The following SETBP1 variants were observed in gnomAD, a reference collection of about 807,000 sequenced individuals.
The protein encoded by SETBP1 is SET binding protein 1, also known as SET-binding protein.
Under a neutral mutation model 101.0 loss-of-function variants are expected in SETBP1, and 9 were observed. The ratio of observed to expected loss-of-function variants is 0.09; its 90% CI spans 0.05 to 0.16. The LOEUF (loss-of-function observed/expected upper bound fraction) is 0.16. SETBP1 is among the 10% of genes least tolerant of loss of function. SETBP1 has a pLI of 1.00. For missense variants in SETBP1, 1,858 were observed against 2,033.8 expected, an observed-to-expected ratio of 0.91 and a Z score of 1.66; for synonymous variants, 818 against 788.5, an observed-to-expected ratio of 1.04 and a Z score of -0.63.
intron 2 of SETBP1, among the ~76,000 whole-genome samples, chr18:44,718,464 G>T (rs1406925616): frequency 6.7e-6 from 1 of 149,772 alleles, no homozygotes; most frequent in Non-Finnish European, 1.5e-5. Context: ...TGAGAAAGAT[G>T]TCCTAGTAGC....
intron 2 of SETBP1, among the ~76,000 whole-genome samples, chr18:44,798,259 A>G (rs2071525046): frequency 6.6e-6 from 1 of 152,070 alleles, no homozygotes; most frequent in Non-Finnish European, 1.5e-5. Context: ...AACCATAACA[A>G]AAAAAATGGT....
chr18:44,683,318 G>A (rs1568087952), intron 1 of SETBP1, among the ~76,000 whole-genome samples: 1 of 152,238 alleles, frequency 6.6e-6, no homozygotes, highest in Non-Finnish European at 1.5e-5. Context: ...CTTGCTCAGA[G>A]TGAGCTACTT....
chr18:45,062,818 C>G (rs1315132378), intron 5 of SETBP1, among the ~76,000 whole-genome samples: 1 of 152,086 alleles, frequency 6.6e-6, no homozygotes, highest in Non-Finnish European at 1.5e-5. Flanking sequence ...ACAACGGAAG[C>G]AACAATATTT....
intron 2 of SETBP1, among the ~76,000 whole-genome samples, chr18:44,744,737 G>A (rs1488849313): frequency 2.0e-5 from 3 of 151,382 alleles, no homozygotes; most frequent in African/African-American, 7.3e-5. Flanking sequence ...CGGAGCGCAG[G>A]GAGAGTCGCC....
chr18:44,991,209 C>G (rs1440118215), intron 4 of SETBP1, among the ~76,000 whole-genome samples: 2 of 137,336 alleles, frequency 1.5e-5, no homozygotes, highest in African/African-American at 5.5e-5. Flanking sequence ...CGCCACTGCA[C>G]TCCAGCCTGA....
intron 2 of SETBP1, among the ~76,000 whole-genome samples, chr18:44,720,399 G>A (rs142340591): frequency 1.6e-4 from 25 of 152,264 alleles, no homozygotes; most frequent in African/African-American, 1.2e-4. Flanking sequence ...CTCAATAGCC[G>A]CTGCTGTAGG....
intron 3 of SETBP1, among the ~76,000 whole-genome samples, chr18:44,891,772 C>A (rs1048593460): frequency 6.6e-6 from 1 of 152,178 alleles, no homozygotes; most frequent in Non-Finnish European, 1.5e-5. Context: ...TCCTGCTTCA[C>A]AAATGCCAAA....
intron 2 of SETBP1, among the ~76,000 whole-genome samples, chr18:44,720,944 G>A (rs903413515): frequency 1.5e-5 from 2 of 131,726 alleles, no homozygotes; most frequent in Non-Finnish European, 3.1e-5. Context: ...AGAGAATGAA[G>A]GAATGTGCAG....
intron 4 of SETBP1, among the ~76,000 whole-genome samples, chr18:45,001,873 A>G (rs1345261901): frequency 6.6e-6 from 1 of 152,142 alleles, no homozygotes; most frequent in Non-Finnish European, 1.5e-5. Context: ...TCCTCAGGAA[A>G]CTTACTTAAG....
chr18:44,685,509 A>G (rs1292826318), intron 1 of SETBP1, among the ~76,000 whole-genome samples: 1 of 152,180 alleles, frequency 6.6e-6, no homozygotes, highest in Non-Finnish European at 1.5e-5. Flanking sequence ...AGAGCCTCAC[A>G]TCTGAAGTGA....
At chr18:44,710,119 C>CT (rs1203067691) in intron 2 of SETBP1, among the ~76,000 whole-genome samples, 1 of 152,046 alleles carries the variant, frequency 6.6e-6, no homozygotes, top group Non-Finnish European at 1.5e-5. Flanking sequence ...GTTATATTTC[C>CT]TTTTTTTCTT....
chr18:44,719,117 G>A (rs924270621), intron 2 of SETBP1, among the ~76,000 whole-genome samples: 2 of 152,148 alleles, frequency 1.3e-5, no homozygotes, highest in Admixed American at 1.3e-4. Context: ...AGGTAGAATA[G>A]TAAGCTTGAC....
chr18:44,892,349 G>A (rs921479408), intron 3 of SETBP1, among the ~76,000 whole-genome samples: 2 of 152,268 alleles, frequency 1.3e-5, no homozygotes, highest in African/African-American at 2.4e-5. Flanking sequence ...ATTAAGGATG[G>A]GAAGCAAAAT....
rs2073990325 is a variant in SETBP1, at chr18:45,067,944, T to G, written c.*4246T>G. The G allele has an allele frequency of 6.6e-6, 1 of 152,218 alleles. No individual in the cohort carries two copies. Among genetic ancestry groups the G allele is most frequent in the African/African-American group, 2.4e-5 (1 of 41,460 alleles). The allele number at this position is 152,218 out of a possible 1,614,324, so 9.4% of individuals were successfully genotyped here. ...CACCCTAGATTGGTGTCTTTCTTTT[T>G]CTTCCTTTTTTTAAAAAAAATCTAT... On this transcript the variant is annotated 3_prime_UTR_variant, in exon 6 of 6. Coordinates refer to ENST00000649279, the MANE Select transcript of SETBP1 (RefSeq NM_015559.3).
At chr18:44,943,595 C>A (rs2071133628) in intron 3 of SETBP1, among the ~76,000 whole-genome samples, 1 of 152,192 alleles carries the variant, frequency 6.6e-6, no homozygotes, top group Non-Finnish European at 1.5e-5. Context: ...GGTCAGATCT[C>A]AGGTATGTTG....
intron 2 of SETBP1, among the ~76,000 whole-genome samples, chr18:44,831,730 G>A (rs2072374948): frequency 6.6e-6 from 1 of 152,158 alleles, no homozygotes; most frequent in Admixed American, 6.5e-5. Flanking sequence ...TATAAATGAA[G>A]GCTATTGTTA....
chr18:44,972,409 C>G (rs890972975), intron 4 of SETBP1, among the ~76,000 whole-genome samples: 2 of 152,052 alleles, frequency 1.3e-5, no homozygotes, highest in Non-Finnish European at 1.5e-5. Context: ...CCAATTCTGT[C>G]AAGAAAGTCA....
intron 2 of SETBP1, among the ~76,000 whole-genome samples, chr18:44,774,214 T>C (rs2070943390): frequency 4.6e-5 from 7 of 152,186 alleles, no homozygotes. Context: ...GATGTACGCA[T>C]GGATCCTGGC....
intron 3 of SETBP1, among the ~76,000 whole-genome samples, chr18:44,905,690 G>A (rs943884830): frequency 6.6e-6 from 1 of 152,188 alleles, no homozygotes; most frequent in Non-Finnish European, 1.5e-5. Context: ...TCTAAGCTAA[G>A]GTCGCTTCCA....
Sources: allele counts gnomAD v4.1 joint callset (sites outside exome capture counted in the v4.1 genomes callset), GRCh38; gene constraint gnomAD v4.1.1; transcripts MANE v1.5; gene names NCBI Gene and HGNC (gene_info 2026-07-23, HGNC 2026-07-21).